Variants in UNC13C observed in about 807,000 individuals in gnomAD.
UNC13C encodes unc-13 homolog C, also known as protein unc-13 homolog C.
A neutral mutation model predicts 245.4 loss-of-function variants in UNC13C; 174 were observed. The ratio of observed to expected loss-of-function variants is 0.71; its 90% CI spans 0.63 to 0.80. The LOEUF is 0.80. UNC13C is among the 30% of genes least tolerant of loss of function. The probability of loss-of-function intolerance (pLI) is 0.00; values close to 1 mark genes in which losing one functional copy is unlikely to be tolerated. For synonymous variants in UNC13C, 992 were observed against 895.1 expected (o/e 1.11, Z -1.93); for missense variants, 2,829 against 2,602.9 (o/e 1.09, Z -1.89).
chr15:54,127,402 G>T (rs2141206834), intron 2 of UNC13C, among the ~76,000 whole-genome samples: 1 of 152,180 alleles, frequency 6.6e-6, no homozygotes, highest in South Asian at 2.1e-4. Flanking sequence ...CATGACCTTT[G>T]CAGGGACATG....
At chr15:54,025,510 T>G (rs1357647274) in intron 2 of UNC13C, among the ~76,000 whole-genome samples, 1 of 152,192 alleles carries the variant, frequency 6.6e-6, no homozygotes, top group East Asian at 1.9e-4. Flanking sequence ...GTAACCTATC[T>G]AAGAGGAGGG....
chr15:54,551,297 C>A (rs1288713224), intron 28 of UNC13C, among the ~76,000 whole-genome samples: 1 of 152,036 alleles, frequency 6.6e-6, no homozygotes, highest in East Asian at 1.9e-4. Flanking sequence ...GAGAAAAACA[C>A]CCATCTCAGT....
At position 54,038,124 on chromosome 15, in the gene UNC13C, A is replaced by AAAAATTTTTTTTTTTTTTTTTT. The variant is rs1555406259; in HGVS notation, c.2983+22238_2983+22239insAAAATTTTTTTTTTTTTTTTTT. On this transcript the variant is annotated intron_variant, in intron 2 of 32. Transcript: ENST00000260323. Reference sequence around the variant, plus strand: ...CATATATATATATATATATATATATATTTTTTTTTTTTTTTTCCTGAGACA... The same window carrying AAAAATTTTTTTTTTTTTTTTTT: ...CATATATATATATATATATATATATAAAAATTTTTTTTTTTTTTTTTTTTTTTTTTTTTTTTTTCCTGAGACA... 4.4e-4 allele frequency among the ~76,000 whole-genome samples: 20 copies of AAAAATTTTTTTTTTTTTTTTTT among 45,032 alleles called. 2 individuals are homozygous for AAAAATTTTTTTTTTTTTTTTTT. The highest frequency in any genetic ancestry group is 2.1e-3 in the African/African-American group (20 of 9,450). The allele number at this position is 45,032 out of a possible 152,430, so 29.5% of individuals were successfully genotyped here.
At chr15:54,289,867 C>G (rs1010331850) in intron 10 of UNC13C, among the ~76,000 whole-genome samples, 4 of 152,030 alleles carry the variant, frequency 2.6e-5, no homozygotes, top group Non-Finnish European at 4.4e-5. Flanking sequence ...GAGTTTACAC[C>G]TTGCTTGAAT....
intron 19 of UNC13C, among the ~76,000 whole-genome samples, chr15:54,437,636 T>C (rs917096397): frequency 1.4e-4 from 21 of 151,878 alleles, no homozygotes; most frequent in African/African-American, 5.1e-4. Flanking sequence ...AGTTAGCACT[T>C]AAGGCATATC....
chr15:54,191,393 T>C (rs758519838), intron 4 of UNC13C, among the ~76,000 whole-genome samples: 3 of 152,200 alleles, frequency 2.0e-5, no homozygotes, highest in Non-Finnish European at 2.9e-5. Context: ...TCCTTTTTTA[T>C]GGCTGCATAG....
the UNC13C span, among the ~76,000 whole-genome samples, chr15:53,892,950 T>C: frequency 3.3e-5 from 5 of 152,234 alleles, no homozygotes; most frequent in African/African-American, 1.2e-4. Context: ...GGAGAAGTGG[T>C]GTTCTGGTTT....
chr15:53,928,984 G>T, the UNC13C span, among the ~76,000 whole-genome samples: 2 of 152,150 alleles, frequency 1.3e-5, no homozygotes, highest in Non-Finnish European at 2.9e-5. Flanking sequence ...GTGTTTGCTG[G>T]GTGATATTAT....
At chr15:54,537,638 A>G (rs1209777712) in intron 26 of UNC13C, among the ~76,000 whole-genome samples, 1 of 152,154 alleles carries the variant, frequency 6.6e-6, no homozygotes, top group Non-Finnish European at 1.5e-5. Context: ...AAACAGACAC[A>G]TAGACCAATG....
At chr15:53,913,914 G>A in the UNC13C span, 1 of 152,248 alleles carries the variant, frequency 6.6e-6, no homozygotes, top group Non-Finnish European at 1.5e-5. Context: ...ACCAGGTGTA[G>A]GCAAAGTAGC....
At chr15:54,221,526 T>A (rs1386441212) in intron 4 of UNC13C, among the ~76,000 whole-genome samples, 1 of 151,868 alleles carries the variant, frequency 6.6e-6, no homozygotes, top group African/African-American at 2.4e-5. Context: ...CAAATAGGTT[T>A]TCATAGGTTA....
At chr15:54,381,404 T>A (rs1424598985) in intron 17 of UNC13C, among the ~76,000 whole-genome samples, 1 of 152,104 alleles carries the variant, frequency 6.6e-6, no homozygotes, top group African/African-American at 2.4e-5. Context: ...CTTTTTTTTC[T>A]TTTTTTACAC....
chr15:54,596,316 T>C (rs1899081202), intron 30 of UNC13C, among the ~76,000 whole-genome samples: 1 of 152,238 alleles, frequency 6.6e-6, no homozygotes, highest in African/African-American at 2.4e-5. Flanking sequence ...TGCCTCCCTG[T>C]GAATTTTAGA....
intron 19 of UNC13C, among the ~76,000 whole-genome samples, chr15:54,425,291 G>A (rs189343900): frequency 5.6e-4 from 85 of 151,810 alleles, no homozygotes; most frequent in African/African-American, 1.8e-3. Context: ...GGAAAAATAC[G>A]AAAGCAGTAA....
intron 2 of UNC13C, among the ~76,000 whole-genome samples, chr15:54,115,196 G>C (rs951785434): frequency 6.6e-6 from 1 of 152,066 alleles, no homozygotes; most frequent in Non-Finnish European, 1.5e-5. Flanking sequence ...TTAGCTCACT[G>C]TTATACATAT....
intron 30 of UNC13C, among the ~76,000 whole-genome samples, chr15:54,568,771 A>G (rs535214087): frequency 6.6e-6 from 1 of 152,276 alleles, no homozygotes; most frequent in African/African-American, 2.4e-5. Context: ...GGGAACATAC[A>G]GATAAGTTTT....
chr15:54,292,451 A>G (rs767599813), intron 10 of UNC13C, among the ~76,000 whole-genome samples: 5 of 151,930 alleles, frequency 3.3e-5, no homozygotes, highest in Admixed American at 1.3e-4. Context: ...GAAAACTCCT[A>G]TGTTAAGTAG....
chr15:54,136,886 C>T (rs1364808873), intron 2 of UNC13C, among the ~76,000 whole-genome samples: 1 of 151,820 alleles, frequency 6.6e-6, no homozygotes, highest in Non-Finnish European at 1.5e-5. Flanking sequence ...TGCTCTGTCA[C>T]CCAGGAGTGC....
At chr15:54,034,354 CAA>C (rs1896484884) in intron 2 of UNC13C, among the ~76,000 whole-genome samples, 1 of 152,180 alleles carries the variant, frequency 6.6e-6, no homozygotes, top group Non-Finnish European at 1.5e-5. Context: ...TTCTTGTGTA[CAA>C]AGTCTGTCTC....
Sources: allele counts gnomAD v4.1 joint callset (sites outside exome capture counted in the v4.1 genomes callset), GRCh38; gene constraint gnomAD v4.1.1; transcripts MANE v1.5; gene names NCBI Gene and HGNC (gene_info 2026-07-23, HGNC 2026-07-21).